NDUFA5: variants seen among roughly 807,000 people sequenced by gnomAD.
The protein encoded by NDUFA5 is NADH:ubiquinone oxidoreductase subunit A5.
NDUFA5 carries 11 observed loss-of-function variants against 19.8 expected under a neutral mutation model. The ratio of observed to expected loss-of-function variants is 0.56; its 90% CI spans 0.35 to 0.92. The LOEUF (loss-of-function observed/expected upper bound fraction) is 0.92, where lower values mean the gene tolerates loss of function less well. Among genes scored for constraint, NDUFA5 ranks in the 40% least tolerant of loss-of-function variants. The probability of loss-of-function intolerance (pLI) is 0.01; values close to 1 mark genes in which losing one functional copy is unlikely to be tolerated. For missense variants in NDUFA5, 109 were observed against 134.2 expected (o/e 0.81, Z 0.93); for synonymous variants, 47 against 46.8 (o/e 1.00, Z -0.01).
chr7:123,574,663 A>G, the NDUFA5 span, among the ~76,000 whole-genome samples: 4 of 152,076 alleles, frequency 2.6e-5, no homozygotes, highest in South Asian at 4.2e-4. Context: ...ACCTCATTCT[A>G]CTTGCCAATT....
At chr7:123,592,799 G>T in the NDUFA5 span, among the ~76,000 whole-genome samples, 1 of 150,068 alleles carries the variant, frequency 6.7e-6, no homozygotes, top group Non-Finnish European at 1.5e-5. Context: ...TGTGCATTAC[G>T]TCTGAATTCA....
At chr7:123,579,734 A>G in the NDUFA5 span, among the ~76,000 whole-genome samples, 16 of 152,080 alleles carry the variant, frequency 1.1e-4, no homozygotes, top group African/African-American at 3.9e-4. Flanking sequence ...CTTTATTAGA[A>G]ACAAATCTAT....
the NDUFA5 span, among the ~76,000 whole-genome samples, chr7:123,600,540 G>C: frequency 2.6e-5 from 4 of 152,126 alleles, no homozygotes; most frequent in African/African-American, 9.7e-5. Flanking sequence ...GTTTCACAAT[G>C]CTGATTGCTT....
upstream of NDUFA5, chr7:123,557,956 G>C (rs550030118): frequency 8.0e-7 from 1 of 1,245,694 alleles, no homozygotes; most frequent in African/African-American, 1.5e-5. Flanking sequence ...CATCTTAAAA[G>C]AGAAAAATTG....
In NDUFA5 at chr7:123,540,416, G is replaced by A. The variant is rs1212887319; in HGVS notation, c.*1703C>T. ...ATGGCAGATACGGGACTGAAAATAT[G>A]ACAAAAACACAGCAAGCCATCTTTG... On this transcript the variant is annotated 3_prime_UTR_variant, in exon 5 of 5. Transcript: ENST00000355749. 6.6e-6 allele frequency: 1 copy of A among 152,086 alleles called. No homozygotes were observed. Among genetic ancestry groups the A allele is most frequent in the South Asian group, 2.1e-4 (1 of 4,826 alleles). 9.4% of individuals were successfully genotyped at this position (152,086 alleles called of 1,614,324 possible).
rs925045748 is a variant in NDUFA5 at position 123,541,569 on chromosome 7, A to T, written c.*550T>A. 9 of 152,222 alleles carry T rather than the reference A, an allele frequency of 5.9e-5. No homozygotes were observed. Among genetic ancestry groups the T allele is most frequent in the Admixed American group, 4.6e-4 (7 of 15,282 alleles). The allele number at this position is 152,222 out of a possible 1,614,324, so 9.4% of individuals were successfully genotyped here. On this transcript the variant is annotated 3_prime_UTR_variant, in exon 5 of 5. Coordinates refer to ENST00000355749, the MANE Select transcript of NDUFA5 (RefSeq NM_005000.5). ...AAATGACACTATGGATTTTGTAATC[A>T]ACCTATAATTATCTATTTAAATTTC...
At chr7:123,601,245 T>C in the NDUFA5 span, among the ~76,000 whole-genome samples, 1 of 152,224 alleles carries the variant, frequency 6.6e-6, no homozygotes, top group South Asian at 2.1e-4. Context: ...CCAATTTTTT[T>C]GCTTGTTTTA....
upstream of NDUFA5, among the ~76,000 whole-genome samples, chr7:123,560,037 T>A (rs1798669623): frequency 6.6e-6 from 1 of 152,058 alleles, no homozygotes; most frequent in African/African-American, 2.4e-5. Context: ...TGGTTTAACA[T>A]CCCCAAATCA....
chr7:123,572,437 C>G, the NDUFA5 span, among the ~76,000 whole-genome samples: 1 of 151,992 alleles, frequency 6.6e-6, no homozygotes, highest in African/African-American at 2.4e-5. Context: ...CCACGCCCAG[C>G]CTAGAATTTC....
chr7:123,544,498 CAAAAAAA>C (rs754788912), intron 4 of NDUFA5, among the ~76,000 whole-genome samples: 3 of 72,956 alleles, frequency 4.1e-5, no homozygotes, highest in Admixed American at 1.6e-4. Context: ...AACTCCATCT[CAAAAAAA>C]AAAAAAAAAA....
rs571481591 is a variant in NDUFA5, at chr7:123,537,960, T to A, written c.*4159A>T. ...ATTATATACAGATGCCAATCATAAA[T>A]TACATTTAAGTGTACCACAAAAAAT... On this transcript the variant is annotated 3_prime_UTR_variant, in exon 5 of 5. Coordinates refer to ENST00000355749, the MANE Select transcript of NDUFA5 (RefSeq NM_005000.5). 1.3e-4 allele frequency: 20 copies of A among 152,210 alleles called. No individual in the cohort carries two copies. Among genetic ancestry groups the A allele is most frequent in the Non-Finnish European group, 2.8e-4 (19 of 68,046 alleles). The allele number at this position is 152,210 out of a possible 1,614,324, so 9.4% of individuals were successfully genotyped here.
At chr7:123,556,918 G>T (rs1012923891) in intron 2 of NDUFA5, 2 of 498,388 alleles carry the variant, frequency 4.0e-6, no homozygotes, top group Admixed American at 2.2e-5. Context: ...GTGAAGCAAA[G>T]AAATGGTGTG....
At position 123,550,710 on chromosome 7, in the gene NDUFA5, T is replaced by A. The variant is rs529857726; in HGVS notation, c.67-124A>T. 8.7e-5 allele frequency: 54 copies of A among 619,554 alleles called. 1 individual carries two copies. In the East Asian group the frequency reaches 9.1e-4, roughly 10 times the overall value. The allele number at this position is 619,554 out of a possible 1,614,324, so 38.4% of individuals were successfully genotyped here. On this transcript the variant is annotated intron_variant, in intron 2 of 4. Coordinates refer to ENST00000355749, the MANE Select transcript of NDUFA5 (RefSeq NM_005000.5). ...GTTTTTTTTTTTTGCTTTTTTTTTT[T>A]AATTTAACTCTTCTTTGCTCTGACT... is the stretch of plus-strand genomic sequence containing the variant.
chr7:123,545,556 G>T, intron 4 of NDUFA5, 55 bp downstream of exon 4: 2 of 1,354,312 alleles, frequency 1.5e-6, no homozygotes, highest in Non-Finnish European at 2.1e-6. Context: ...ATTCTAGAAC[G>T]TCAGTTGTGT....
the NDUFA5 span, among the ~76,000 whole-genome samples, chr7:123,580,214 G>A: frequency 6.6e-6 from 1 of 152,166 alleles, no homozygotes; most frequent in Admixed American, 6.5e-5. Flanking sequence ...GCGAAAGGAT[G>A]CGTTTTGCCT....
the NDUFA5 span, among the ~76,000 whole-genome samples, chr7:123,584,687 G>T: frequency 6.6e-6 from 1 of 151,848 alleles, no homozygotes; most frequent in Non-Finnish European, 1.5e-5. Flanking sequence ...AATATACAAA[G>T]ACTGTTAGCT....
the NDUFA5 span, among the ~76,000 whole-genome samples, chr7:123,591,350 G>A: frequency 6.6e-6 from 1 of 152,138 alleles, no homozygotes; most frequent in Admixed American, 6.5e-5. Flanking sequence ...AATAGGAGTG[G>A]TGAGAGAGGT....
intron 4 of NDUFA5, among the ~76,000 whole-genome samples, chr7:123,542,755 C>G (rs575572233): frequency 2.6e-5 from 4 of 152,094 alleles, no homozygotes; most frequent in Non-Finnish European, 5.9e-5. Context: ...GTTTATAAAA[C>G]AGTGATCTAT....
chr7:123,543,344 G>A (rs1798011256), intron 4 of NDUFA5, among the ~76,000 whole-genome samples: 1 of 152,096 alleles, frequency 6.6e-6, no homozygotes, highest in Non-Finnish European at 1.5e-5. Context: ...CCTGGACCCA[G>A]CTGCACCTGG....
Sources: allele counts gnomAD v4.1 joint callset (sites outside exome capture counted in the v4.1 genomes callset), GRCh38; gene constraint gnomAD v4.1.1; transcripts MANE v1.5; gene names NCBI Gene and HGNC (gene_info 2026-07-23, HGNC 2026-07-21).